STK24: variants seen among roughly 807,000 people sequenced by gnomAD.
The protein encoded by STK24 is serine/threonine kinase 24.
STK24 carries 21 observed loss-of-function variants against 55.6 expected under a neutral mutation model. The ratio of observed to expected loss-of-function variants is 0.38; its 90% confidence interval spans 0.27 to 0.54. STK24 has a LOEUF of 0.54. Among genes scored for constraint, STK24 ranks in the 20% least tolerant of loss-of-function variants. The probability of loss-of-function intolerance (pLI) is 0.79; values close to 1 mark genes in which losing one functional copy is unlikely to be tolerated. For synonymous variants in STK24, 200 were observed against 215.2 expected (o/e 0.93, Z 0.62); for missense variants, 383 against 538.4 (o/e 0.71, Z 2.86).
chr13:98,576,768 G>C lies in STK24; in HGVS notation c.19C>G (p.Gln7Glu). 6.9e-7 allele frequency: 1 copy of C among 1,444,692 alleles called. No individual in the cohort carries two copies. Among genetic ancestry groups the C allele is most frequent in the Non-Finnish European group, 9.1e-7 (1 of 1,100,828 alleles). 89.5% of individuals were successfully genotyped at this position (1,444,692 alleles called of 1,614,324 possible). A position where few individuals can be genotyped will look rare whatever the true frequency, so the allele number is the denominator to read the frequency against. MAHSPV[Q>E]SGLPGMQNLK... ...ACCTGCATGCCGGGCAGGCCCGACT[G>C]CACCGGGGAGTGAGCCATGGCGCTC... The change falls in exon 1 of 11, where the codon CAG (glutamine) becomes GAG (glutamate). Residue 7 changes from glutamine to glutamate, a missense_variant. Coordinates refer to ENST00000539966, the MANE Select transcript of STK24 (RefSeq NM_001032296.4).
chr13:98,519,154 T>A, intron 2 of STK24, 89 bp downstream of exon 2: 1 of 1,028,728 alleles, frequency 9.7e-7, no homozygotes, highest in Admixed American at 1.9e-5. Flanking sequence ...AAACCTGCTG[T>A]GCTTTGTCCT....
chr13:98,457,534 A>C (rs1201109147), intron 9 of STK24, among the ~76,000 whole-genome samples: 2 of 138,238 alleles, frequency 1.4e-5, no homozygotes, highest in Non-Finnish European at 3.0e-5. Context: ...CAGTGGCGTG[A>C]TCTCAGCTCA....
At chr13:98,515,482 A>C (rs1896025805) in intron 2 of STK24, among the ~76,000 whole-genome samples, 3 of 147,894 alleles carry the variant, frequency 2.0e-5, no homozygotes, top group Non-Finnish European at 4.5e-5. Flanking sequence ...GATCATCCTC[A>C]AGACCTTTCC....
At chr13:98,495,368 T>C (rs1895211773) in intron 2 of STK24, among the ~76,000 whole-genome samples, 1 of 152,218 alleles carries the variant, frequency 6.6e-6, no homozygotes, top group South Asian at 2.1e-4. Flanking sequence ...AAAGAAAGCA[T>C]ATGGCATAAT....
Position 98,482,376 on chromosome 13 carries a change from T to C in STK24, c.274-55A>G. The C allele has an allele frequency of 3.7e-6, 4 of 1,071,362 alleles. No homozygotes were observed. The South Asian group carries it at 4.2e-5, about 11-fold the overall frequency. 66.4% of individuals were successfully genotyped at this position (1,071,362 alleles called of 1,614,324 possible). ...TTTCAAAATGAATCCAGGAAAATTT[T>C]TTTTAATAATCAAAGGGTATTTTTC... On this transcript the variant is annotated intron_variant, in intron 2 of 10. Coordinates refer to ENST00000539966, the MANE Select transcript of STK24 (RefSeq NM_001032296.4).
At chr13:98,507,459 G>A (rs1273682280) in intron 2 of STK24, among the ~76,000 whole-genome samples, 1 of 152,170 alleles carries the variant, frequency 6.6e-6, no homozygotes, top group Non-Finnish European at 1.5e-5. Flanking sequence ...TAGAAGAAAA[G>A]GAAATCACTC....
chr13:98,563,802 G>T (rs1897494725), intron 1 of STK24, among the ~76,000 whole-genome samples: 1 of 151,796 alleles, frequency 6.6e-6, no homozygotes, highest in Non-Finnish European at 1.5e-5. Context: ...GGAGCTTGTA[G>T]TGAGCTGAGA....
At chr13:98,554,068 C>CA (rs36119384) in intron 1 of STK24, among the ~76,000 whole-genome samples, 26,444 of 97,848 alleles carry the variant, frequency 0.27, 2,674 homozygotes, top group Middle Eastern at 0.32. Context: ...GACTCAGTCT[C>CA]AAAAAAAAAA....
chr13:98,555,528 G>A (rs1305180631), intron 1 of STK24, among the ~76,000 whole-genome samples: 4 of 151,460 alleles, frequency 2.6e-5, no homozygotes, highest in East Asian at 2.0e-4. Flanking sequence ...GCAGTGAGCC[G>A]AGATCGCACC....
Position 98,446,620 on chromosome 13 carries a change from A to G in STK24, c.*6553T>C. Reference sequence around the variant, plus strand: ...CGGGGCAGCAGCCAGGCCCAGCAGCAGAAGCTGACCCCGAAAAGCCACTTT... The same window carrying G: ...CGGGGCAGCAGCCAGGCCCAGCAGCGGAAGCTGACCCCGAAAAGCCACTTT... On this transcript the variant is annotated 3_prime_UTR_variant, in exon 11 of 11. Transcript: ENST00000539966. The G allele has an allele frequency of 1.9e-6, 3 of 1,601,448 alleles. No individual in the cohort carries two copies. The highest frequency in any genetic ancestry group is 2.6e-6 in the Non-Finnish European group (3 of 1,170,860).
chr13:98,515,174 G>C (rs1896014782), intron 2 of STK24, among the ~76,000 whole-genome samples: 1 of 150,900 alleles, frequency 6.6e-6, no homozygotes, highest in Admixed American at 6.6e-5. Flanking sequence ...AGAAAAAACA[G>C]GTCAGCATCC....
Position 98,463,699 on chromosome 13 carries a change from A to C in STK24, c.921T>G (p.Asp307Glu), listed in dbSNP as rs1437489800. Residue 307 changes from aspartate (D) to glutamate (E), a missense_variant, in exon 7 of 11, where the codon GAT (aspartate) becomes GAG (glutamate). Coordinates refer to ENST00000539966, the MANE Select transcript of STK24 (RefSeq NM_001032296.4). Reference sequence around the variant, plus strand: ...CTCAGGGGCCGACTTACGCGTCGGAATCCTCGGAGCTCGAGTCGTCATGGC... The same window carrying C: ...CTCAGGGGCCGACTTACGCGTCGGACTCCTCGGAGCTCGAGTCGTCATGGC... ...EQSHDDSSSE[D>E]SDAETDGQAS... 6.2e-7 allele frequency: 1 copy of C among 1,613,742 alleles called. No homozygotes were observed. The highest frequency in any genetic ancestry group is 8.5e-7 in the Non-Finnish European group (1 of 1,179,780).
intron 3 of STK24, among the ~76,000 whole-genome samples, chr13:98,480,984 C>A (rs559475500): frequency 6.6e-6 from 1 of 152,338 alleles, no homozygotes; most frequent in South Asian, 2.1e-4. Context: ...GCTCTCCCTG[C>A]AACCACAGCC....
At chr13:98,560,203 C>T (rs1322817871) in intron 1 of STK24, among the ~76,000 whole-genome samples, 1 of 152,242 alleles carries the variant, frequency 6.6e-6, no homozygotes, top group Non-Finnish European at 1.5e-5. Context: ...CGCTCCAGTC[C>T]TCGTGGGTCA....
intron 1 of STK24, among the ~76,000 whole-genome samples, chr13:98,574,886 C>A (rs1285959494): frequency 6.6e-6 from 1 of 151,978 alleles, no homozygotes; most frequent in Non-Finnish European, 1.5e-5. Context: ...AGGTGAGATA[C>A]TAGATATCAC....
chr13:98,507,893 T>C (rs1018891837), intron 2 of STK24, among the ~76,000 whole-genome samples: 2 of 152,142 alleles, frequency 1.3e-5, no homozygotes, highest in African/African-American at 4.8e-5. Flanking sequence ...TGCAGATCTC[T>C]TCCCCCAACC....
intron 3 of STK24, among the ~76,000 whole-genome samples, chr13:98,478,042 G>GC (rs1894447118): frequency 6.6e-6 from 1 of 152,130 alleles, no homozygotes; most frequent in Admixed American, 6.5e-5. Flanking sequence ...CTCCTTACTT[G>GC]GGGGGAAATC....
At chr13:98,574,775 A>G (rs1026965357) in intron 1 of STK24, among the ~76,000 whole-genome samples, 4 of 152,220 alleles carry the variant, frequency 2.6e-5, no homozygotes. Context: ...TAACAGATAC[A>G]TAATAGTTGA....
chr13:98,565,242 G>A lies in STK24; in HGVS notation c.42+11503C>T, dbSNP rs553949851. Among the ~76,000 whole-genome samples the A allele has an allele frequency of 1.6e-3, 250 of 152,126 alleles. 1 individual carries two copies. Among genetic ancestry groups the A allele is most frequent in the African/African-American group, 5.6e-3 (231 of 41,474 alleles). On this transcript the variant is annotated intron_variant, in intron 1 of 10. Transcript: ENST00000539966. ...CTTGCTCAGAACACAAACTCCCTCC[G>A]AGACGCCCAGAATCAGAAACTCCAG...
Sources: allele counts gnomAD v4.1 joint callset (sites outside exome capture counted in the v4.1 genomes callset), GRCh38; gene constraint gnomAD v4.1.1; transcripts MANE v1.5; gene names NCBI Gene and HGNC (gene_info 2026-07-23, HGNC 2026-07-21).